CDIP1: variants seen among roughly 807,000 people sequenced by gnomAD.
The protein encoded by CDIP1 is cell death-inducing p53-target protein 1.
In CDIP1, 9 loss-of-function variants were observed where a neutral mutation model predicts 17.7. That is an observed-to-expected ratio of 0.51 (90% CI 0.31 to 0.89). The LOEUF (loss-of-function observed/expected upper bound fraction) is 0.89, where lower values mean the gene tolerates loss of function less well. Among genes scored for constraint, CDIP1 ranks in the 40% least tolerant of loss-of-function variants. The pLI is 0.05. For synonymous variants in CDIP1, 117 were observed against 109.5 expected, an observed-to-expected ratio of 1.07 and a Z score of -0.43; for missense variants, 263 against 277.9, an observed-to-expected ratio of 0.95 and a Z score of 0.38.
intron 1 of CDIP1, among the ~76,000 whole-genome samples, chr16:4,526,292 C>G (rs1005369996): frequency 2.6e-5 from 4 of 152,170 alleles, no homozygotes; most frequent in Non-Finnish European, 5.9e-5. Context: ...GTAATCCCAG[C>G]TACTCGGGAG....
intron 1 of CDIP1, among the ~76,000 whole-genome samples, chr16:4,525,765 G>A (rs2058993474): frequency 6.6e-6 from 1 of 152,182 alleles, no homozygotes; most frequent in Admixed American, 6.5e-5. Context: ...GACTCAGGGA[G>A]GTTGCCAATG....
rs1176118297 is a variant in CDIP1 at position 4,526,855 on chromosome 16, G to A, written c.-105+11847C>T. On this transcript the variant is annotated intron_variant, in intron 1 of 5. Transcript: ENST00000567695. ...CTGTGTCGCAGGCAGAGCTGCAGGGGCAGAATCTTGCACCGAGTGGGGCAC... is the reference window on the plus strand; with the variant it reads ...CTGTGTCGCAGGCAGAGCTGCAGGGACAGAATCTTGCACCGAGTGGGGCAC... Among the ~76,000 whole-genome samples, 3 of 152,146 alleles carry A rather than the reference G, an allele frequency of 2.0e-5. No individual in the cohort carries two copies. In the East Asian group the frequency reaches 5.8e-4, roughly 29 times the overall value.
chr16:4,518,315 T>C (rs1690987743), intron 1 of CDIP1, among the ~76,000 whole-genome samples: 2 of 152,252 alleles, frequency 1.3e-5, no homozygotes, highest in Admixed American at 6.5e-5. Context: ...TTGCCCATGA[T>C]GATAGGGTGT....
At position 4,513,005 on chromosome 16, in the gene CDIP1, T is replaced by G; in HGVS notation, c.301A>C (p.Thr101Pro). 1 of 1,588,954 alleles carries G rather than the reference T, an allele frequency of 6.3e-7. No individual in the cohort carries two copies. Among genetic ancestry groups the G allele is most frequent in the Non-Finnish European group, 8.6e-7 (1 of 1,168,736 alleles). The change falls in exon 5 of 6, where the codon ACG (threonine) becomes CCG (proline). Residue 101 changes from threonine to proline, a missense_variant. By Grantham distance (38) the Thr-to-Pro change is conservative. Transcript: ENST00000567695. This position sits in a 1 kb window ranked among gnomAD's most constrained non-coding sequence, Gnocchi z 4.1. ...PMGYYPPGPY[T>P]PGPYPGPGGH... ...CCAGGGCCAGGGTAGGGCCCTGGCG[T>G]GTAGGGCCCTGGGGGGTAGTAGCCC...
At chr16:4,516,321 C>G (rs1408140354) in intron 1 of CDIP1, among the ~76,000 whole-genome samples, 1 of 152,132 alleles carries the variant, frequency 6.6e-6, no homozygotes. Flanking sequence ...TGCTCTGAAA[C>G]CGATTGTAGC....
intron 1 of CDIP1, among the ~76,000 whole-genome samples, chr16:4,531,044 T>C (rs948928709): frequency 2.5e-4 from 38 of 151,814 alleles, no homozygotes; most frequent in African/African-American, 8.7e-4. Flanking sequence ...CATGTATATA[T>C]TTCTCTATGA....
intron 1 of CDIP1, chr16:4,522,589 C>T (rs1005853325): frequency 2.0e-5 from 3 of 152,248 alleles, no homozygotes; most frequent in Admixed American, 1.3e-4. Context: ...AAAGGAGGTG[C>T]CCACTGCTCC....
chr16:4,533,619 G>A (rs947387189), intron 1 of CDIP1: 3 of 152,232 alleles, frequency 2.0e-5, no homozygotes, highest in Admixed American at 6.5e-5. Context: ...AGTCAAGGGT[G>A]ACAGGGAAGA....
At position 4,518,411 on chromosome 16, in the gene CDIP1, C is replaced by A. The variant is rs75636908; in HGVS notation, c.-104-3747G>T. The stretch of plus-strand genomic sequence containing the variant: ...CCACAGGGAAGGGTCTGGACCTGCA[C>A]AGGGCTGGCTTCCCCTCCAGCTCGA... On this transcript the variant is annotated intron_variant, in intron 1 of 5. Transcript: ENST00000567695. Among the ~76,000 whole-genome samples, 275 of 152,332 alleles carry A rather than the reference C, an allele frequency of 1.8e-3. 4 individuals carry two copies. Among genetic ancestry groups the A allele is most frequent in the African/African-American group, 6.4e-3 (267 of 41,570 alleles).
chr16:4,534,019 C>G (rs943253137), intron 1 of CDIP1, among the ~76,000 whole-genome samples: 17 of 152,020 alleles, frequency 1.1e-4, no homozygotes, highest in Admixed American at 2.0e-4. Context: ...GGTGCGATCT[C>G]GGCTAGCTGC....
At chr16:4,531,327 CT>C (rs542034725) in intron 1 of CDIP1, among the ~76,000 whole-genome samples, 228 of 147,172 alleles carry the variant, frequency 1.5e-3, no homozygotes, top group African/African-American at 3.4e-3. Context: ...TGTGCCCGGC[CT>C]TTTTTTTTTG....
At chr16:4,534,335 G>C (rs1365573264) in intron 1 of CDIP1, among the ~76,000 whole-genome samples, 1 of 152,198 alleles carries the variant, frequency 6.6e-6, no homozygotes, top group Non-Finnish European at 1.5e-5. Context: ...GCGTCCTCAG[G>C]AAAGTACTTA....
intron 1 of CDIP1, among the ~76,000 whole-genome samples, chr16:4,526,368 G>A (rs1445942605): frequency 2.1e-5 from 3 of 145,334 alleles, no homozygotes; most frequent in African/African-American, 2.6e-5. Context: ...TCACACCGTC[G>A]CACTCCAGCC....
chr16:4,529,044 G>C (rs139267311), intron 1 of CDIP1, among the ~76,000 whole-genome samples: 23 of 152,142 alleles, frequency 1.5e-4, no homozygotes, highest in African/African-American at 5.3e-4. Context: ...ACACACCTCA[G>C]ACTATAATCT....
Position 4,513,727 on chromosome 16 carries a change from G to A in CDIP1, c.210C>T (p.His70=), listed in dbSNP as rs747162891. ...PMPQPGFIPP[H]MSADGTYMPP... ...GCATGTAGGTGCCATCTGCACTCAT[G>A]TGTGGTGGGATGAAGCCAGGCTGGG... Residue 70 remains histidine (H), a synonymous_variant, in exon 4 of 6, where the codon CAC becomes CAT. Coordinates refer to ENST00000567695, the MANE Select transcript of CDIP1 (RefSeq NM_013399.3). The surrounding 1 kb of genome is among the most constrained non-coding windows in gnomAD (Gnocchi z 4.1). 7 of 1,613,692 alleles carry A rather than the reference G, an allele frequency of 4.3e-6. No homozygotes were observed. The highest frequency in any genetic ancestry group is 1.7e-5 in the Admixed American group (1 of 59,964).
chr16:4,535,249 T>TTA (rs1478573165), intron 1 of CDIP1, among the ~76,000 whole-genome samples: 1 of 152,142 alleles, frequency 6.6e-6, no homozygotes, highest in Non-Finnish European at 1.5e-5. Context: ...CCCTCAGTGT[T>TTA]TACTGAACCC....
intron 1 of CDIP1, chr16:4,524,141 T>G (rs1046171465): frequency 5.3e-5 from 8 of 151,922 alleles, no homozygotes; most frequent in Admixed American, 1.3e-4. Context: ...TTCCTCAACC[T>G]CTCTGAGCCT....
rs374465951 is a variant in CDIP1 at position 4,513,848 on chromosome 16, C to A, written c.89G>T (p.Arg30Leu). ...GGGCTGCATCACAGCTGGGGAGGAA[C>A]GGCCTGGACAGAGAGAGGCAGAAAG... ...EKSGAPPTPG[R>L]SSPAVMQPPP... is the part of the protein sequence containing the mutation. The change falls in exon 4 of 6, where the codon CGT becomes CTT. Residue 30 changes from arginine (R) to leucine (L), a missense_variant. Coordinates refer to ENST00000567695, the MANE Select transcript of CDIP1 (RefSeq NM_013399.3). The surrounding 1 kb of genome is among the most constrained non-coding windows in gnomAD (Gnocchi z 4.1). 6.4e-7 allele frequency: 1 copy of A among 1,568,784 alleles called. No individual in the cohort carries two copies. Among genetic ancestry groups the A allele is most frequent in the Non-Finnish European group, 8.6e-7 (1 of 1,158,746 alleles).
At chr16:4,519,590 C>G (rs2058923680) in intron 1 of CDIP1, among the ~76,000 whole-genome samples, 1 of 152,164 alleles carries the variant, frequency 6.6e-6, no homozygotes, top group Non-Finnish European at 1.5e-5. Context: ...CTGGCAGTGC[C>G]TTGATCCTGG....
Sources: gnomAD v4.1 joint callset for allele counts (sites outside exome capture counted in the v4.1 genomes callset) on GRCh38, gnomAD v4.1.1 for gene constraint, Gnocchi (gnomAD v3.1) non-coding constraint, MANE v1.5 for transcripts, NCBI Gene and HGNC (gene_info 2026-07-23, HGNC 2026-07-21) for gene names.